Variants in SLC12A4 observed in about 807,000 individuals in gnomAD.
SLC12A4 encodes solute carrier family 12 member 4, also known as electroneutral potassium-chloride cotransporter 1.
In SLC12A4, 84 loss-of-function variants were observed where a neutral mutation model predicts 119.2. That is an observed-to-expected ratio of 0.70 (90% CI 0.59 to 0.85). The LOEUF (loss-of-function observed/expected upper bound fraction) is 0.85. Ranked by LOEUF, SLC12A4 falls within the 40% of genes least tolerant of loss-of-function variation. SLC12A4 has a pLI of 0.00. For synonymous variants in SLC12A4, 599 were observed against 604.6 expected (o/e 0.99, Z 0.14); for missense variants, 1,298 against 1,476.3 (o/e 0.88, Z 1.98).
intron 21 of SLC12A4, 40 bp downstream of exon 21, chr16:67,945,724 C>A (rs769728907): frequency 1.3e-6 from 2 of 1,591,934 alleles, no homozygotes; most frequent in South Asian, 1.1e-5. Flanking sequence ...AAGGCCTGAC[C>A]CTGCCACCCG....
chr16:67,945,720 T>A, intron 21 of SLC12A4, 44 bp downstream of exon 21: 2 of 1,585,680 alleles, frequency 1.3e-6, no homozygotes, highest in Middle Eastern at 1.8e-4. Context: ...TCCAAAGGCC[T>A]GACCCTGCCA....
chr16:67,957,789 A>G lies in SLC12A4; in HGVS notation c.497T>C (p.Leu166Pro). Residue 166 changes from leucine to proline, a missense_variant, in exon 5 of 24, where the codon CTG becomes CCG. Transcript: ENST00000316341. ...IVLICCCCTL[L>P]TAISMSAIAT... ...GATGGCACTCATGGAGATGGCCGTCAGCAGGGTCTGTGGGAAGGAGGGCCT... is the reference window on the plus strand; with the variant it reads ...GATGGCACTCATGGAGATGGCCGTCGGCAGGGTCTGTGGGAAGGAGGGCCT... The G allele has an allele frequency of 1.2e-6, 2 of 1,614,158 alleles. No homozygotes were observed. Among genetic ancestry groups the G allele is most frequent in the Non-Finnish European group, 1.7e-6 (2 of 1,180,042 alleles).
intron 1 of SLC12A4, chr16:67,966,674 C>A: frequency 6.6e-7 from 1 of 1,523,324 alleles, no homozygotes. Context: ...GGGGAAGGGG[C>A]AGGAGATAGA....
intron 1 of SLC12A4, among the ~76,000 whole-genome samples, chr16:67,964,221 C>G (rs527885205): frequency 6.6e-6 from 1 of 152,302 alleles, no homozygotes; most frequent in East Asian, 1.9e-4. Flanking sequence ...AAAATGGGAG[C>G]TGGGACTGCT....
rs755461794 is a variant in SLC12A4 at position 67,950,391 on chromosome 16, G to C, written c.1557C>G (p.Gly519=). 3 of 1,614,004 alleles carry C rather than the reference G, an allele frequency of 1.9e-6. No individual in the cohort carries two copies. ...GTGGTGCCCCTGTGAGGCTCTGGAGGCCAGCGCCACACGTTGAAAAGAAGG... is the reference window on the plus strand; with the variant it reads ...GTGGTGCCCCTGTGAGGCTCTGGAGCCCAGCGCCACACGTTGAAAAGAAGG... ...IGSFFSTCGA[G]LQSLTGAPRL... The change falls in exon 12 of 24, where the codon GGC becomes GGG. Residue 519 remains glycine, a synonymous_variant. Transcript: ENST00000316341. This position sits in a 1 kb window ranked among gnomAD's most constrained non-coding sequence, Gnocchi z 4.3.
In SLC12A4 at chr16:67,944,844, GAGT is replaced by G. The variant is rs1338432645; in HGVS notation, c.3251_3253del (p.Tyr1084del). On this transcript the variant is annotated inframe_deletion, in exon 24 of 24. Transcript: ENST00000316341. The surrounding 1 kb of genome is among the most constrained non-coding windows in gnomAD (Gnocchi z 6.6). ...GGCCACAAGATGACACTGGGCTCAG[GAGT>G]AGATGGTGATGACTTCACGGCCACC... 6.2e-7 allele frequency: 1 copy of G among 1,612,916 alleles called. No individual in the cohort carries two copies. Among genetic ancestry groups the G allele is most frequent in the African/African-American group, 1.3e-5 (1 of 74,922 alleles).
At position 67,949,336 on chromosome 16, in the gene SLC12A4, A is replaced by G. The variant is rs1402647167; in HGVS notation, c.1748+464T>C. Among the ~76,000 whole-genome samples the G allele has an allele frequency of 6.6e-6, 1 of 152,160 alleles. No homozygotes were observed. The highest frequency in any genetic ancestry group is 2.4e-5 in the African/African-American group (1 of 41,446). On this transcript the variant is annotated intron_variant, in intron 13 of 23. Transcript: ENST00000316341. This position sits in a 1 kb window ranked among gnomAD's most constrained non-coding sequence, Gnocchi z 4.6. ...CGTGGTGGTGCATTTCTGTAATCCC[A>G]GCTACTCAGGAGGCTGAGGCAGGAG...
intron 13 of SLC12A4, 90 bp from the exon 14 acceptor site, chr16:67,948,249 G>T: frequency 8.0e-7 from 1 of 1,247,086 alleles, no homozygotes; most frequent in Non-Finnish European, 1.2e-6. Flanking sequence ...AACGGGGCGT[G>T]GCCCGGCCCT....
rs780886752 is a variant in SLC12A4, at chr16:67,945,112, G to A, written c.3141C>T (p.Pro1047=). ...RLVLLNMPGP[P]RNSEGDENYM... is the part of the protein sequence containing the mutation. ...AGTTCTCGTCGCCCTCACTGTTCCT[G>A]GGTGGGCCAGGCATGTTTAGGAGAA... The change falls in exon 23 of 24, where the codon CCC becomes CCT. Residue 1047 remains proline (P), a synonymous_variant. Coordinates refer to ENST00000316341, the MANE Select transcript of SLC12A4 (RefSeq NM_005072.5). The A allele has an allele frequency of 1.3e-6, 2 of 1,592,300 alleles. No individual in the cohort carries two copies. Among genetic ancestry groups the A allele is most frequent in the East Asian group, 2.2e-5 (1 of 44,598 alleles).
At chr16:67,966,386 G>C (rs908165173) in intron 1 of SLC12A4, among the ~76,000 whole-genome samples, 1 of 152,272 alleles carries the variant, frequency 6.6e-6, no homozygotes, top group African/African-American at 2.4e-5. Context: ...ATGCCTGCCA[G>C]GCTGAAGCTG....
intron 1 of SLC12A4, chr16:67,966,807 G>T (rs2030888793): frequency 6.4e-7 from 1 of 1,551,064 alleles, no homozygotes; most frequent in Non-Finnish European, 8.7e-7. Flanking sequence ...CTGGAAAGGA[G>T]TAAGAGGAGG....
At position 67,949,442 on chromosome 16, in the gene SLC12A4, C is replaced by T. The variant is rs568645884; in HGVS notation, c.1748+358G>A. On this transcript the variant is annotated intron_variant, in intron 13 of 23. Transcript: ENST00000316341. This position sits in a 1 kb window ranked among gnomAD's most constrained non-coding sequence, Gnocchi z 4.6. ...CTCCAGCCTGGGTGAGAGAGTGAGA[C>T]TCTGTCTCAAAAAAAAAAAACAAAA... The T allele has an allele frequency of 1.2e-4, 21 of 177,384 alleles. 2 individuals are homozygous for T. In the South Asian group the frequency reaches 2.4e-3, roughly 20 times the overall value. 11.0% of individuals were successfully genotyped at this position (177,384 alleles called of 1,614,324 possible).
chr16:67,961,775 C>T lies in SLC12A4; in HGVS notation c.211-69G>A, dbSNP rs1042140157. The T allele has an allele frequency of 1.3e-5, 20 of 1,592,340 alleles. No individual in the cohort carries two copies. The African/African-American group carries it at 2.0e-4, about 16-fold the overall frequency. ...GTGCCAGCTGTGTGGAGCCAGCTGC[C>T]TGGTCCCTGGCCCTGTTCCAAGCCC... is the stretch of plus-strand genomic sequence containing the variant. On this transcript the variant is annotated intron_variant, in intron 2 of 23. Coordinates refer to ENST00000316341, the MANE Select transcript of SLC12A4 (RefSeq NM_005072.5).
chr16:67,967,309 A>G (rs939410630), intron 1 of SLC12A4, among the ~76,000 whole-genome samples: 2 of 152,218 alleles, frequency 1.3e-5, no homozygotes, highest in African/African-American at 2.4e-5. Flanking sequence ...GACACGTGTC[A>G]ACCACACACT....
In SLC12A4 at chr16:67,951,555, T is replaced by A. The variant is rs1296452469; in HGVS notation, c.1133-251A>T. On this transcript the variant is annotated intron_variant, in intron 8 of 23. Coordinates refer to ENST00000316341, the MANE Select transcript of SLC12A4 (RefSeq NM_005072.5). This position sits in a 1 kb window ranked among gnomAD's most constrained non-coding sequence, Gnocchi z 5.2. Reference sequence around the variant, plus strand: ...CCACTGCCCGCCTTCCACAGAGGCCTTTATGGATCCTGTGGGAACATCCCC... The same window carrying A: ...CCACTGCCCGCCTTCCACAGAGGCCATTATGGATCCTGTGGGAACATCCCC... 1 of 608,672 alleles carries A rather than the reference T, an allele frequency of 1.6e-6. No individual in the cohort carries two copies. The highest frequency in any genetic ancestry group is 2.9e-6 in the Non-Finnish European group (1 of 346,550). The allele number at this position is 608,672 out of a possible 1,614,324, so 37.7% of individuals were successfully genotyped here.
In SLC12A4 at chr16:67,946,043, G is replaced by A. The variant is rs1462274675; in HGVS notation, c.2647C>T (p.Gln883Ter). Reference protein sequence around the residue: ...KCRMRIFTVAQMDDNSIQMKK... With the variant: ...KCRMRIFTVA ...ATCTGGATGCTGTTGTCATCCATCT[G>A]GGCCACTGTGAAGATGCGCATCCGG... Residue 883 changes from glutamine (Q) to a stop codon, truncating the protein, a stop_gained, in exon 20 of 24, where the codon CAG becomes TAG. Transcript: ENST00000316341. LOFTEE classifies it high-confidence loss of function. 1.2e-6 allele frequency: 2 copies of A among 1,613,898 alleles called. No individual in the cohort carries two copies. Among genetic ancestry groups the A allele is most frequent in the Non-Finnish European group, 1.7e-6 (2 of 1,180,014 alleles).
chr16:67,964,778 T>C (rs1260798018), intron 1 of SLC12A4, among the ~76,000 whole-genome samples: 1 of 152,248 alleles, frequency 6.6e-6, no homozygotes, highest in Non-Finnish European at 1.5e-5. Flanking sequence ...CAATTCATTT[T>C]TCTTGACTGC....
rs1313097250 is a variant in SLC12A4, at chr16:67,952,351, A to G, written c.750T>C (p.Asn250=). The G allele has an allele frequency of 6.2e-7, 1 of 1,614,182 alleles. No individual in the cohort carries two copies. Among genetic ancestry groups the G allele is most frequent in the Non-Finnish European group, 8.5e-7 (1 of 1,180,016 alleles). The change falls in exon 7 of 24, where the codon AAT becomes AAC. Residue 250 remains asparagine (N), a synonymous_variant. Coordinates refer to ENST00000316341, the MANE Select transcript of SLC12A4 (RefSeq NM_005072.5). ...AHDTSNATLN[N]MRVYGTIFLT... ...GGAAAATGGTCCCATACACACGCAT[A>G]TTGTTCAAAGTGGCATTCGACGTGT...
At chr16:67,947,533 CA>C (rs769468434) in intron 15 of SLC12A4, 98 bp from the exon 16 acceptor site, 323 of 1,492,752 alleles carry the variant, frequency 2.2e-4, no homozygotes, top group Non-Finnish European at 2.8e-4. Flanking sequence ...CAAGACCACC[CA>C]GGGGTCCTGA....
Sources: gnomAD v4.1 joint callset for allele counts (sites outside exome capture counted in the v4.1 genomes callset) on GRCh38, gnomAD v4.1.1 for gene constraint, Gnocchi (gnomAD v3.1) non-coding constraint, MANE v1.5 for transcripts, NCBI Gene and HGNC (gene_info 2026-07-23, HGNC 2026-07-21) for gene names.